Variants in LCP2 observed in about 807,000 individuals in gnomAD.
LCP2 encodes lymphocyte cytosolic protein 2, also known as 76 kDa tyrosine phosphoprotein.
In LCP2, 29 loss-of-function variants were observed where a neutral mutation model predicts 74.5. The observed-to-expected ratio is 0.39, with a 90% CI of 0.29 to 0.53. The LOEUF is 0.53. LCP2 is among the 20% of genes least tolerant of loss of function. LCP2 has a pLI of 0.72. For synonymous variants in LCP2, 228 were observed against 229.5 expected, an observed-to-expected ratio of 0.99 and a Z score of 0.06; for missense variants, 604 against 634.6, an observed-to-expected ratio of 0.95 and a Z score of 0.52.
At chr5:170,267,343 A>G (rs1288040744) in intron 8 of LCP2, 3 of 533,860 alleles carry the variant, frequency 5.6e-6, no homozygotes, top group Non-Finnish European at 1.0e-5. Context: ...CAAAATTGAA[A>G]CTCGTTAATG....
chr5:170,251,152 A>G, intron 19 of LCP2: 1 of 355,732 alleles, frequency 2.8e-6, no homozygotes, highest in East Asian at 5.7e-5. Context: ...GCCTCCTGAT[A>G]AAAACGGAAT....
intron 1 of LCP2, among the ~76,000 whole-genome samples, chr5:170,296,614 C>T (rs867506836): frequency 3.3e-5 from 5 of 152,190 alleles, no homozygotes; most frequent in African/African-American, 7.2e-5. Context: ...GAAGCTTAAC[C>T]GTCTCGCACA....
At chr5:170,283,159 T>G (rs1476816554) in intron 3 of LCP2, among the ~76,000 whole-genome samples, 1 of 152,150 alleles carries the variant, frequency 6.6e-6, no homozygotes, top group Non-Finnish European at 1.5e-5. Context: ...TGGGCAGGCT[T>G]CACAGTCTTT....
At chr5:170,250,564 T>G (rs1296520940) in intron 20 of LCP2, among the ~76,000 whole-genome samples, 166 bp downstream of exon 20, 1 of 152,252 alleles carries the variant, frequency 6.6e-6, no homozygotes, top group Non-Finnish European at 1.5e-5. Flanking sequence ...AAGTAACCAT[T>G]GTAAAGATTT....
chr5:170,278,478 GGTGA>G (rs1561974724), intron 3 of LCP2, among the ~76,000 whole-genome samples: 4 of 92,076 alleles, frequency 4.3e-5, no homozygotes, highest in Non-Finnish European at 6.8e-5. Flanking sequence ...GTGGGGGGCT[GGTGA>G]GGGGGATGGG....
chr5:170,276,474 G>T (rs1183566810), intron 3 of LCP2, among the ~76,000 whole-genome samples: 3 of 152,132 alleles, frequency 2.0e-5, no homozygotes, highest in East Asian at 1.9e-4. Context: ...AAAGGCAGGG[G>T]TTGCAGAATG....
intron 14 of LCP2, among the ~76,000 whole-genome samples, chr5:170,259,287 T>G (rs1761613764): frequency 6.6e-6 from 1 of 152,226 alleles, no homozygotes; most frequent in Admixed American, 6.5e-5. Flanking sequence ...GGAAGCTTCC[T>G]TAGCTTGCCA....
intron 14 of LCP2, among the ~76,000 whole-genome samples, chr5:170,260,900 A>G (rs1008482083): frequency 6.6e-6 from 1 of 152,198 alleles, no homozygotes; most frequent in Non-Finnish European, 1.5e-5. Flanking sequence ...TTAGAGGGAC[A>G]TGAGCTAAAC....
At chr5:170,272,831 C>T (rs1422055725) in intron 6 of LCP2, among the ~76,000 whole-genome samples, 1 of 151,600 alleles carries the variant, frequency 6.6e-6, no homozygotes, top group African/African-American at 2.4e-5. Context: ...CCAGGATGGT[C>T]TCGATCTCTT....
chr5:170,264,412 C>T lies in LCP2; in HGVS notation c.773-1420G>A, dbSNP rs184112193. On this transcript the variant is annotated intron_variant, in intron 10 of 20. Transcript: ENST00000046794. Reference sequence around the variant, plus strand: ...CCCAGGCACAGTTAGTGCCCTATGGCGAATGGTGATATTATCTCCCTGGAG... The same window carrying T: ...CCCAGGCACAGTTAGTGCCCTATGGTGAATGGTGATATTATCTCCCTGGAG... 3.9e-4 allele frequency among the ~76,000 whole-genome samples: 59 copies of T among 152,306 alleles called. 1 individual carries two copies. The highest frequency in any genetic ancestry group is 3.6e-3 in the Admixed American group (55 of 15,306).
intron 1 of LCP2, among the ~76,000 whole-genome samples, chr5:170,296,542 T>A (rs550968670): frequency 2.0e-5 from 3 of 152,208 alleles, no homozygotes; most frequent in Non-Finnish European, 4.4e-5. Flanking sequence ...TACAATCTCA[T>A]CTTTATGACA....
intron 7 of LCP2, among the ~76,000 whole-genome samples, chr5:170,269,355 G>C (rs1761849294): frequency 1.3e-5 from 2 of 152,176 alleles, no homozygotes; most frequent in Admixed American, 1.3e-4. Flanking sequence ...TGTGCCCTGG[G>C]TGCCTCTCTT....
intron 3 of LCP2, among the ~76,000 whole-genome samples, chr5:170,281,501 C>T (rs1171501145): frequency 2.0e-5 from 3 of 152,178 alleles, no homozygotes; most frequent in African/African-American, 7.2e-5. Flanking sequence ...AGGATGGTCT[C>T]GATCTCCTGA....
chr5:170,293,424 G>A, intron 1 of LCP2, 52 bp from the exon 2 acceptor site: 1 of 1,523,806 alleles, frequency 6.6e-7, no homozygotes, highest in Non-Finnish European at 8.9e-7. Flanking sequence ...TCTTACCATT[G>A]GTTCCTCTCC....
intron 8 of LCP2, chr5:170,267,363 G>T (rs906595477): frequency 2.0e-6 from 1 of 500,390 alleles, no homozygotes; most frequent in Non-Finnish European, 3.6e-6. Context: ...GTCCTGCGAG[G>T]CCCTGCCTGA....
Position 170,261,145 on chromosome 5 carries a change from G to A in LCP2, c.927-8C>T, listed in dbSNP as rs1318969599. ...TCTGGTCCCCATCCATGCCTGAAAT[G>A]AATTAGGGCAAATAAAAAGAACTGA... On this transcript the variant is annotated splice_region_variant and splice_polypyrimidine_tract_variant and intron_variant, in intron 13 of 20. Coordinates refer to ENST00000046794, the MANE Select transcript of LCP2 (RefSeq NM_005565.5). The A allele has an allele frequency of 1.9e-6, 3 of 1,597,036 alleles. No individual in the cohort carries two copies. Among genetic ancestry groups the A allele is most frequent in the African/African-American group, 1.3e-5 (1 of 74,566 alleles).
chr5:170,297,473 C>A (rs1425034746), intron 1 of LCP2, 61 bp downstream of exon 1: 1 of 1,455,376 alleles, frequency 6.9e-7, no homozygotes. Flanking sequence ...CATCGTCAAG[C>A]CTCAGCTCAG....
intron 10 of LCP2, among the ~76,000 whole-genome samples, chr5:170,264,109 C>T (rs1358148757): frequency 6.6e-6 from 1 of 152,142 alleles, no homozygotes; most frequent in Non-Finnish European, 1.5e-5. Flanking sequence ...TTGCCCTCTG[C>T]CATTGCTCAC....
Position 170,274,338 on chromosome 5 carries a change from T to C in LCP2, c.287A>G (p.Glu96Gly). 6.2e-7 allele frequency: 1 copy of C among 1,613,108 alleles called. No homozygotes were observed. Among genetic ancestry groups the C allele is most frequent in the Non-Finnish European group, 8.5e-7 (1 of 1,179,582 alleles). ...PQVPRFPEET[E>G]SHEEDNGGWS... is the part of the protein sequence containing the mutation. ...GCCCCCATTGTCCTCTTCGTGGCTT[T>C]CTGTGGAAGGAGATGACACCACCAT... Residue 96 changes from glutamate to glycine, a missense_variant and splice_region_variant, in exon 6 of 21, where the codon GAA (glutamate) becomes GGA (glycine). By Grantham distance (98) the Glu-to-Gly change is moderately conservative. Coordinates refer to ENST00000046794, the MANE Select transcript of LCP2 (RefSeq NM_005565.5).
Sources: allele counts gnomAD v4.1 joint callset (sites outside exome capture counted in the v4.1 genomes callset), GRCh38; gene constraint gnomAD v4.1.1; transcripts MANE v1.5; gene names NCBI Gene and HGNC (gene_info 2026-07-23, HGNC 2026-07-21).